MEIKIN: variants seen among roughly 807,000 people sequenced by gnomAD.
MEIKIN encodes meiosis-specific kinetochore protein.
intron 11 of MEIKIN, among the ~76,000 whole-genome samples, chr5:131,836,376 A>G (rs1195905824): frequency 1.3e-5 from 2 of 152,158 alleles, no homozygotes; most frequent in Non-Finnish European, 2.9e-5. Flanking sequence ...ATGTGTCTTT[A>G]TGGTAGAACA....
At chr5:131,826,152 C>A (rs575108244) in intron 11 of MEIKIN, among the ~76,000 whole-genome samples, 1 of 148,658 alleles carries the variant, frequency 6.7e-6, no homozygotes, top group South Asian at 2.1e-4. Context: ...GTCTTGGACT[C>A]CTGGCCTCAA....
chr5:131,937,996 T>C (rs1180012183), intron 4 of MEIKIN, among the ~76,000 whole-genome samples: 1 of 152,086 alleles, frequency 6.6e-6, no homozygotes, highest in Non-Finnish European at 1.5e-5. Flanking sequence ...TCTAGGAAAA[T>C]TTCTAGCTTT....
chr5:131,873,539 CAAT>C (rs1445760191), intron 9 of MEIKIN, among the ~76,000 whole-genome samples: 3 of 152,250 alleles, frequency 2.0e-5, no homozygotes, highest in Middle Eastern at 3.4e-3. Context: ...GACTCCCACA[CAAT>C]AATAATGGGA....
intron 8 of MEIKIN, among the ~76,000 whole-genome samples, chr5:131,892,066 A>G (rs1484465453): frequency 6.6e-6 from 1 of 151,994 alleles, no homozygotes; most frequent in Non-Finnish European, 1.5e-5. Flanking sequence ...TGGCTTGTAG[A>G]GTTTCTGCCA....
At chr5:131,930,299 C>T (rs1751666838) in intron 5 of MEIKIN, among the ~76,000 whole-genome samples, 1 of 152,122 alleles carries the variant, frequency 6.6e-6, no homozygotes, top group Non-Finnish European at 1.5e-5. Context: ...CTTCTTTAGT[C>T]TTCTTTATAT....
Position 131,827,988 on chromosome 5 carries a change from G to A in MEIKIN, c.976-9125C>T, listed in dbSNP as rs190228242. Among the ~76,000 whole-genome samples, 664 of 151,460 alleles carry A rather than the reference G, an allele frequency of 4.4e-3. 3 individuals are homozygous for A. Among genetic ancestry groups the A allele is most frequent in the Non-Finnish European group, 6.9e-3 (471 of 67,906 alleles). On this transcript the variant is annotated intron_variant, in intron 11 of 12. Coordinates refer to ENST00000442687, the MANE Select transcript of MEIKIN (RefSeq NM_001303622.2). Reference sequence around the variant, plus strand: ...CACTTGAGCCCAGGAGTTTGAGGCCGTGAACATGCCACCGCACTCCAGCCT... The same window carrying A: ...CACTTGAGCCCAGGAGTTTGAGGCCATGAACATGCCACCGCACTCCAGCCT...
At chr5:131,936,966 TTC>T (rs571464205) in intron 4 of MEIKIN, among the ~76,000 whole-genome samples, 224 of 152,294 alleles carry the variant, frequency 1.5e-3, no homozygotes, top group Admixed American at 4.2e-3. Flanking sequence ...CTCCCTCTTC[TTC>T]TGTCTTTTCT....
chr5:131,860,440 G>GTT (rs113508984), intron 9 of MEIKIN, among the ~76,000 whole-genome samples: 1 of 150,478 alleles, frequency 6.6e-6, no homozygotes, highest in African/African-American at 2.5e-5. Context: ...TCTAACAGTT[G>GTT]TTTTTTTTGT....
chr5:131,840,985 C>A (rs971846632), intron 11 of MEIKIN, among the ~76,000 whole-genome samples: 1 of 152,060 alleles, frequency 6.6e-6, no homozygotes. Context: ...GGCTGATATT[C>A]CTTCAGTTTT....
chr5:131,892,879 A>T (rs1490822253), intron 8 of MEIKIN, among the ~76,000 whole-genome samples: 1 of 152,132 alleles, frequency 6.6e-6, no homozygotes, highest in African/African-American at 2.4e-5. Flanking sequence ...ATGGTGACGT[A>T]CAGATGGGTT....
At position 131,906,064 on chromosome 5, in the gene MEIKIN, A is replaced by G. The variant is rs192455764; in HGVS notation, c.703+5751T>C. Among the ~76,000 whole-genome samples the G allele has an allele frequency of 6.6e-5, 10 of 152,326 alleles. No homozygotes were observed. The East Asian group carries it at 1.9e-3, about 29-fold the overall frequency. On this transcript the variant is annotated intron_variant, in intron 8 of 12. Coordinates refer to ENST00000442687, the MANE Select transcript of MEIKIN (RefSeq NM_001303622.2). ...AACTAAAGAGCTTCTGCACAGCAAAAGAAACTATCAACAGAATCAATAATC... is the reference window on the plus strand; with the variant it reads ...AACTAAAGAGCTTCTGCACAGCAAAGGAAACTATCAACAGAATCAATAATC...
chr5:131,835,783 CG>C (rs897337193), intron 11 of MEIKIN, among the ~76,000 whole-genome samples: 10 of 152,032 alleles, frequency 6.6e-5, no homozygotes, highest in Admixed American at 6.6e-4. Flanking sequence ...TTAGTAGAGA[CG>C]GGGTTTCACT....
chr5:131,945,527 G>A lies in MEIKIN; in HGVS notation c.-22C>T, dbSNP rs755093277. ...ACATTGCTATCCCACCCTACCCCCA[G>A]GCCACGGGTGCCTCTGGACTCTCGA... On this transcript the variant is annotated 5_prime_UTR_variant, in exon 1 of 13. Transcript: ENST00000442687. 1.5e-5 allele frequency: 6 copies of A among 399,828 alleles called. No individual in the cohort carries two copies. The highest frequency in any genetic ancestry group is 4.4e-5 in the Admixed American group (1 of 22,716). The allele number at this position is 399,828 out of a possible 1,614,324, so 24.8% of individuals were successfully genotyped here. A position where few individuals can be genotyped will look rare whatever the true frequency, so the allele number is the denominator to read the frequency against.
intron 5 of MEIKIN, among the ~76,000 whole-genome samples, chr5:131,931,450 G>A (rs1271355024): frequency 6.6e-6 from 1 of 152,050 alleles, no homozygotes; most frequent in Non-Finnish European, 1.5e-5. Context: ...GGGTATGTTG[G>A]GTCCTATCAG....
At chr5:131,836,776 T>A (rs1749816646) in intron 11 of MEIKIN, among the ~76,000 whole-genome samples, 1 of 152,074 alleles carries the variant, frequency 6.6e-6, no homozygotes, top group Non-Finnish European at 1.5e-5. Flanking sequence ...TTCAGTTCGT[T>A]ATAGATGCTG....
chr5:131,934,130 T>A (rs77522103), intron 4 of MEIKIN, among the ~76,000 whole-genome samples: 1 of 151,708 alleles, frequency 6.6e-6, no homozygotes, highest in Non-Finnish European at 1.5e-5. Flanking sequence ...ATTTTTTTTT[T>A]ATTTTTTTTT....
chr5:131,816,909 A>T (rs1007767836), intron 12 of MEIKIN, among the ~76,000 whole-genome samples: 1 of 152,190 alleles, frequency 6.6e-6, no homozygotes, highest in African/African-American at 2.4e-5. Flanking sequence ...GGAATAAGGG[A>T]TACTCAGAAA....
intron 11 of MEIKIN, among the ~76,000 whole-genome samples, chr5:131,819,524 T>C (rs1449558271): frequency 6.6e-6 from 1 of 151,930 alleles, no homozygotes; most frequent in Non-Finnish European, 1.5e-5. Flanking sequence ...ATATCTTGTT[T>C]TTTAGAATTA....
chr5:131,870,507 TA>T (rs1298592758), intron 9 of MEIKIN, among the ~76,000 whole-genome samples: 5 of 151,602 alleles, frequency 3.3e-5, no homozygotes, highest in African/African-American at 9.7e-5. Flanking sequence ...TTCCACGACT[TA>T]AAAAAAAATT....
Sources: allele counts gnomAD v4.1 joint callset (sites outside exome capture counted in the v4.1 genomes callset), GRCh38; gene constraint gnomAD v4.1.1; transcripts MANE v1.5; gene names NCBI Gene and HGNC (gene_info 2026-07-23, HGNC 2026-07-21).